TMEM223: variants seen among roughly 807,000 people sequenced by gnomAD.
TMEM223 encodes the protein transmembrane protein 223.
TMEM223 carries 14 observed loss-of-function variants against 14.1 expected under a neutral mutation model. That is an observed-to-expected ratio of 0.99 (90% CI 0.66 to 1.55). The LOEUF (loss-of-function observed/expected upper bound fraction) is 1.55. TMEM223 is among the 40% of genes most tolerant of loss of function. The pLI, the probability that TMEM223 is intolerant of heterozygous loss-of-function variation, is 0.00. For synonymous variants in TMEM223, 145 were observed against 120.5 expected, an observed-to-expected ratio of 1.20 and a Z score of -1.33; for missense variants, 346 against 269.9, an observed-to-expected ratio of 1.28 and a Z score of -1.97.
intron 1 of TMEM223, among the ~76,000 whole-genome samples, chr11:62,779,976 A>ATATATATATATATTTTTTTTTTT (rs1294367864): frequency 1.9e-5 from 1 of 52,630 alleles, no homozygotes; most frequent in Non-Finnish European, 3.6e-5. Flanking sequence ...ATATATATAT[A>ATATATATATATATTTTTTTTTTT]TTTTTTTTTT....
chr11:62,788,124 C>T (rs1305978776), downstream of TMEM223, among the ~76,000 whole-genome samples: 2 of 152,214 alleles, frequency 1.3e-5, no homozygotes, highest in African/African-American at 2.4e-5. Flanking sequence ...AGAGATCCGC[C>T]GGGCGCGGTG....
intron 2 of TMEM223, among the ~76,000 whole-genome samples, chr11:62,773,365 C>G (rs559228645): frequency 6.6e-6 from 1 of 151,814 alleles, no homozygotes; most frequent in Non-Finnish European, 1.5e-5. Flanking sequence ...CCAGGCTGGT[C>G]TAGAACTCCT....
downstream of TMEM223, chr11:62,788,880 C>G (rs1204671118): frequency 2.2e-6 from 2 of 923,332 alleles, no homozygotes; most frequent in African/African-American, 3.3e-5. Context: ...ATCAATATCC[C>G]TGTCCCAGAA....
intron 1 of TMEM223, among the ~76,000 whole-genome samples, chr11:62,775,054 C>T (rs1263172344): frequency 3.5e-5 from 5 of 143,332 alleles, no homozygotes; most frequent in Admixed American, 7.0e-5. Flanking sequence ...CAGAGCGAGA[C>T]TCTGTCTCAA....
In TMEM223 at chr11:62,790,441, G is replaced by GTTTTT; in HGVS notation, c.*177_*181dup. ...CATTCTAAGATTGGCGTTTTTTTTT[G>GTTTTT]TTTTTTTTTTTGTAAATAGAGACAA... On this transcript the variant is annotated 3_prime_UTR_variant, in exon 2 of 2. Coordinates refer to ENST00000307366, the MANE Select transcript of TMEM223 (RefSeq NM_001080501.3). The GTTTTT allele has an allele frequency of 2.2e-6, 1 of 452,494 alleles. No homozygotes were observed. Among genetic ancestry groups the GTTTTT allele is most frequent in the Admixed American group, 4.2e-5 (1 of 23,842 alleles). 28.0% of individuals were successfully genotyped at this position (452,494 alleles called of 1,614,324 possible).
In TMEM223 at chr11:62,790,899, A is replaced by AC. The variant is rs776572869; in HGVS notation, c.332dup (p.Ala112CysfsTer51). The AC allele has an allele frequency of 1.3e-6, 2 of 1,587,894 alleles. No homozygotes were observed. The highest frequency in any genetic ancestry group is 2.3e-5 in the South Asian group (2 of 88,394). On this transcript the variant is annotated frameshift_variant, in exon 2 of 2. Coordinates refer to ENST00000307366, the MANE Select transcript of TMEM223 (RefSeq NM_001080501.3). LOFTEE classifies it high-confidence loss of function. Reference sequence around the variant, plus strand: ...ACCGGAGAGAGAAGAGAAGACCAGCACCGAGTACGAGGGCTCCTGCAGGCA... The same window carrying AC: ...ACCGGAGAGAGAAGAGAAGACCAGCACCCGAGTACGAGGGCTCCTGCAGGCA...
intron 1 of TMEM223, among the ~76,000 whole-genome samples, chr11:62,780,599 A>G (rs1218674888): frequency 6.6e-6 from 1 of 152,032 alleles, no homozygotes; most frequent in Non-Finnish European, 1.5e-5. Flanking sequence ...ATACTAGTAC[A>G]TGTTTACTGT....
rs1371055906 is a variant in TMEM223, at chr11:62,774,922, G to A, written c.315-257C>T. The stretch of plus-strand genomic sequence containing the variant: ...AAAAAAAAAAAAAATTTAGCCATCC[G>A]GGCGTGGTGGCAGGTACCTGTAATC... On this transcript the variant is annotated intron_variant, in intron 1 of 2. Transcript: ENST00000528367. 3.3e-5 allele frequency among the ~76,000 whole-genome samples: 5 copies of A among 150,742 alleles called. No individual in the cohort carries two copies. In the East Asian group the frequency reaches 5.8e-4, roughly 18 times the overall value.
chr11:62,787,945 C>CA, downstream of TMEM223: 1 of 486,546 alleles, frequency 2.1e-6, no homozygotes, highest in Non-Finnish European at 4.0e-6. Context: ...GATTGTAGCA[C>CA]AGTGTGTTAA....
At chr11:62,786,399 T>G (rs2084275841), downstream of TMEM223, 1 of 1,610,348 alleles carries the variant, frequency 6.2e-7, no homozygotes, top group South Asian at 1.1e-5. Flanking sequence ...GTGAGTACCG[T>G]CCCCTTCCAG....
downstream of TMEM223, chr11:62,787,587 G>C: frequency 6.9e-7 from 1 of 1,452,128 alleles, no homozygotes; most frequent in South Asian, 1.4e-5. Flanking sequence ...ACATGGCGAG[G>C]CCACTTTCGC....
downstream of TMEM223, chr11:62,787,758 G>A (rs1410829824): frequency 4.4e-6 from 3 of 682,252 alleles, no homozygotes; most frequent in African/African-American, 5.3e-5. Flanking sequence ...CGGGTCAGTA[G>A]CGTCTTAAAG....
intron 2 of TMEM223, among the ~76,000 whole-genome samples, chr11:62,774,372 G>A (rs562273997): frequency 4.6e-5 from 7 of 152,260 alleles, no homozygotes; most frequent in African/African-American, 1.7e-4. Context: ...CACCGCGCCC[G>A]GCCCAAATTT....
At chr11:62,786,579 A>G, downstream of TMEM223, 1 of 1,572,756 alleles carries the variant, frequency 6.4e-7, no homozygotes, top group Non-Finnish European at 8.6e-7. Context: ...GGGGTGGCCC[A>G]GGTGGCAGGG....
chr11:62,781,869 A>T (rs376643499), intron 1 of TMEM223: 13 of 1,610,390 alleles, frequency 8.1e-6, no homozygotes, highest in South Asian at 1.1e-5. Flanking sequence ...GGTGGATCCA[A>T]TGCAGTCTGG....
rs571596496 is a variant in TMEM223 at position 62,782,460 on chromosome 11, G to T, written c.315-7795C>A. On this transcript the variant is annotated intron_variant, in intron 1 of 2. Coordinates refer to the TMEM223 transcript ENST00000528367. The stretch of plus-strand genomic sequence containing the variant: ...GATGGGGAACCTTTTCCCTAGGAGC[G>T]TCCTAGCTGGTGTGCTGTGACACAC... 5.4e-6 allele frequency: 6 copies of T among 1,106,560 alleles called. No individual in the cohort carries two copies. In the East Asian group the frequency reaches 1.5e-4, roughly 27 times the overall value. 68.5% of individuals were successfully genotyped at this position (1,106,560 alleles called of 1,614,324 possible).
rs1172328949 is a variant in TMEM223, at chr11:62,791,730, G to A, written c.265C>T (p.Leu89=). The change falls in exon 1 of 2, where the codon CTG becomes TTG. Residue 89 remains leucine, a synonymous_variant. Coordinates refer to ENST00000307366, the MANE Select transcript of TMEM223 (RefSeq NM_001080501.3). ...AEVPNRGPFD[L]RSALWRYGLA... is the part of the protein sequence containing the mutation. ...CCGTAGCGCCAGAGCGCGGAGCGCA[G>A]GTCGAAGGGGCCACGATTTGGGACC... The A allele has an allele frequency of 1.3e-6, 2 of 1,557,788 alleles. No homozygotes were observed. Among genetic ancestry groups the A allele is most frequent in the African/African-American group, 1.4e-5 (1 of 73,476 alleles).
chr11:62,776,027 G>A (rs945079247), intron 1 of TMEM223: 1 of 1,416,462 alleles, frequency 7.1e-7, no homozygotes, highest in African/African-American at 1.4e-5. Flanking sequence ...TACACTGGGT[G>A]CCTGCTCCAT....
chr11:62,771,485 C>G (rs2084146521), downstream of TMEM223: 1 of 156,842 alleles, frequency 6.4e-6, no homozygotes, highest in South Asian at 1.6e-4. Context: ...ACGCCGGGGT[C>G]TTCAGGTGAG....
Sources: gnomAD v4.1 joint callset for allele counts (sites outside exome capture counted in the v4.1 genomes callset) on GRCh38, gnomAD v4.1.1 for gene constraint, MANE v1.5 for transcripts, NCBI Gene and HGNC (gene_info 2026-07-23, HGNC 2026-07-21) for gene names.